RARB: variants seen among roughly 807,000 people sequenced by gnomAD.
RARB encodes the protein HBV-activated protein.
In RARB, 17 loss-of-function variants were observed where a neutral mutation model predicts 51.9. The ratio of observed to expected loss-of-function variants is 0.33; its 90% CI spans 0.22 to 0.49. The LOEUF (loss-of-function observed/expected upper bound fraction) is 0.49, where lower values mean the gene tolerates loss of function less well. Ranked by LOEUF, RARB falls within the 20% of genes least tolerant of loss-of-function variation. RARB has a pLI of 0.99. For synonymous variants in RARB, 215 were observed against 195.4 expected (o/e 1.10, Z -0.84); for missense variants, 369 against 550.8 (o/e 0.67, Z 3.30).
At chr3:25,315,211 C>T (rs1704392469) in intron 5 of RARB, among the ~76,000 whole-genome samples, 1 of 152,036 alleles carries the variant, frequency 6.6e-6, no homozygotes, top group African/African-American at 2.4e-5. Context: ...GCAAAAAAAA[C>T]TGTGAATGAA....
At chr3:25,079,929 A>G (rs749437078) in intron 3 of RARB, among the ~76,000 whole-genome samples, 74 of 152,202 alleles carry the variant, frequency 4.9e-4, no homozygotes, top group Middle Eastern at 3.4e-3. Context: ...AAGAGTGTGT[A>G]TAAACTTGGT....
At chr3:24,962,385 CAGCA>C (rs2125412341) in intron 2 of RARB, among the ~76,000 whole-genome samples, 1 of 152,270 alleles carries the variant, frequency 6.6e-6, no homozygotes, top group African/African-American at 2.4e-5. Context: ...CACTAGATGC[CAGCA>C]TCAACCCTCA....
intron 2 of RARB, among the ~76,000 whole-genome samples, chr3:24,985,967 C>T (rs1696786102): frequency 6.6e-6 from 1 of 152,214 alleles, no homozygotes; most frequent in Admixed American, 6.5e-5. Context: ...CATCTGTGTC[C>T]ATATTAAATA....
intron 5 of RARB, among the ~76,000 whole-genome samples, chr3:25,363,413 T>G (rs1005812885): frequency 6.6e-6 from 1 of 152,158 alleles, no homozygotes; most frequent in Non-Finnish European, 1.5e-5. Flanking sequence ...AGAACTCAAT[T>G]CCAGCCTTGC....
At chr3:25,417,478 T>C (rs971625619) in intron 5 of RARB, among the ~76,000 whole-genome samples, 1 of 152,220 alleles carries the variant, frequency 6.6e-6, no homozygotes, top group African/African-American at 2.4e-5. Flanking sequence ...TTTCCTGTGC[T>C]GTTCTCCTGA....
intron 2 of RARB, among the ~76,000 whole-genome samples, chr3:25,491,986 G>C (rs372142322): frequency 1.3e-5 from 2 of 152,242 alleles, no homozygotes; most frequent in African/African-American, 2.4e-5. Flanking sequence ...TTAAGACAGT[G>C]ACAGCAGAGC....
At chr3:24,840,973 T>C (rs1702414498) in intron 1 of RARB, among the ~76,000 whole-genome samples, 1 of 152,168 alleles carries the variant, frequency 6.6e-6, no homozygotes, top group South Asian at 2.1e-4. Flanking sequence ...TGCACTGTGA[T>C]TCACATGCAA....
At chr3:25,184,680 A>G (rs1700935757) in intron 5 of RARB, among the ~76,000 whole-genome samples, 1 of 152,146 alleles carries the variant, frequency 6.6e-6, no homozygotes, top group African/African-American at 2.4e-5. Context: ...GATGTTGTTC[A>G]TGATCAATTT....
chr3:25,500,239 A>G (rs1697226327), intron 2 of RARB, among the ~76,000 whole-genome samples: 1 of 152,176 alleles, frequency 6.6e-6, no homozygotes, highest in African/African-American at 2.4e-5. Flanking sequence ...AAGTAGCCTC[A>G]TGTGACTAAT....
At chr3:25,402,450 TAGGTATATACTCAAA>T (rs917901538) in intron 5 of RARB, among the ~76,000 whole-genome samples, 4 of 152,214 alleles carry the variant, frequency 2.6e-5, no homozygotes, top group African/African-American at 9.6e-5. Flanking sequence ...ATCCCACTGC[TAGGTATATACTCAAA>T]AGAAAGGAAA....
chr3:25,073,826 A>C (rs1175798198), intron 3 of RARB, among the ~76,000 whole-genome samples: 1 of 148,330 alleles, frequency 6.7e-6, no homozygotes, highest in African/African-American at 2.6e-5. Context: ...GGGAAACAAT[A>C]GTGACTTTTT....
intron 1 of RARB, among the ~76,000 whole-genome samples, chr3:24,830,807 G>T (rs554494379): frequency 7.9e-5 from 12 of 151,926 alleles, no homozygotes; most frequent in Admixed American, 4.6e-4. Flanking sequence ...ATAAGAAACC[G>T]AATGGGAGAG....
intron 2 of RARB, among the ~76,000 whole-genome samples, chr3:25,037,118 G>C (rs1698012032): frequency 6.6e-6 from 1 of 152,170 alleles, no homozygotes; most frequent in Non-Finnish European, 1.5e-5. Context: ...TTGAAGCGGA[G>C]ACATGGCATT....
At chr3:25,235,026 C>G (rs193066175) in intron 5 of RARB, among the ~76,000 whole-genome samples, 30 of 152,194 alleles carry the variant, frequency 2.0e-4, no homozygotes, top group Admixed American at 1.6e-3. Context: ...CATAGGGGGC[C>G]CCCTTTTTGG....
intron 2 of RARB, among the ~76,000 whole-genome samples, chr3:24,880,290 A>T (rs890661282): frequency 6.6e-5 from 10 of 152,062 alleles, no homozygotes; most frequent in African/African-American, 2.4e-4. Context: ...GAAAAAATAG[A>T]AAGGGCTTGG....
At chr3:24,902,823 A>T (rs1373013555) in intron 2 of RARB, among the ~76,000 whole-genome samples, 1 of 152,190 alleles carries the variant, frequency 6.6e-6, no homozygotes, top group Non-Finnish European at 1.5e-5. Context: ...CAATCTGGTT[A>T]TATGGTGGAT....
intron 5 of RARB, among the ~76,000 whole-genome samples, chr3:25,234,845 G>A (rs1559516915): frequency 6.6e-6 from 1 of 152,058 alleles, no homozygotes; most frequent in Non-Finnish European, 1.5e-5. Context: ...CCATTTTTCT[G>A]GTTCCTCTGG....
chr3:25,193,087 G>T (rs1361064294), intron 5 of RARB, among the ~76,000 whole-genome samples: 7 of 152,010 alleles, frequency 4.6e-5, no homozygotes, highest in South Asian at 4.1e-4. Context: ...AGGCATGAGG[G>T]CCTCAAGTAA....
At chr3:25,172,656 T>C (rs2125352352) in intron 4 of RARB, among the ~76,000 whole-genome samples, 1 of 152,294 alleles carries the variant, frequency 6.6e-6, no homozygotes, top group South Asian at 2.1e-4. Flanking sequence ...TTCCTGGGAT[T>C]ACTATAATGT....
Sources: gnomAD v4.1 joint callset for allele counts (sites outside exome capture counted in the v4.1 genomes callset) on GRCh38, gnomAD v4.1.1 for gene constraint, MANE v1.5 for transcripts, NCBI Gene and HGNC (gene_info 2026-07-23, HGNC 2026-07-21) for gene names.